The following SNTG1 variants were observed in gnomAD, a reference collection of about 807,000 sequenced individuals.
SNTG1 encodes gamma-1-syntrophin.
SNTG1 carries 39 observed loss-of-function variants against 74.7 expected under a neutral mutation model. The observed-to-expected ratio is 0.52, with a 90% CI of 0.40 to 0.68. The LOEUF is 0.68. SNTG1 is among the 30% of genes least tolerant of loss of function. The pLI is 0.00. For synonymous variants in SNTG1, 254 were observed against 217.1 expected (o/e 1.17, Z -1.49); for missense variants, 685 against 609.5 (o/e 1.12, Z -1.30).
chr8:50,633,497 A>G (rs1360605386), intron 13 of SNTG1, among the ~76,000 whole-genome samples: 1 of 152,196 alleles, frequency 6.6e-6, no homozygotes, highest in African/African-American at 2.4e-5. Flanking sequence ...AAGATGGATA[A>G]CAAGGGCTGT....
At chr8:50,204,565 A>G (rs1424135202) in intron 2 of SNTG1, among the ~76,000 whole-genome samples, 2 of 152,080 alleles carry the variant, frequency 1.3e-5, no homozygotes, top group African/African-American at 4.8e-5. Flanking sequence ...TAATCTTAAA[A>G]TAAGATATAA....
At chr8:50,282,768 C>CA (rs1000891997) in intron 2 of SNTG1, among the ~76,000 whole-genome samples, 44 of 148,756 alleles carry the variant, frequency 3.0e-4, no homozygotes, top group Middle Eastern at 6.9e-3. Flanking sequence ...CTGTCCATCT[C>CA]AAAAAAAAAG....
At chr8:50,733,080 C>G (rs780589187) in intron 17 of SNTG1, among the ~76,000 whole-genome samples, 2 of 151,944 alleles carry the variant, frequency 1.3e-5, no homozygotes, top group Admixed American at 6.6e-5. Context: ...CAACAGACAA[C>G]CCCCTCCCTA....
chr8:50,325,742 T>C (rs1445271423), intron 2 of SNTG1, among the ~76,000 whole-genome samples: 3 of 152,118 alleles, frequency 2.0e-5, no homozygotes, highest in African/African-American at 7.2e-5. Context: ...TTTCACATAG[T>C]ATTACATTAG....
At chr8:50,788,649 G>A (rs901315903) in intron 18 of SNTG1, among the ~76,000 whole-genome samples, 2 of 151,952 alleles carry the variant, frequency 1.3e-5, no homozygotes, top group Admixed American at 1.3e-4. Flanking sequence ...GAATGAGGAA[G>A]ATAAATTCCA....
chr8:50,050,342 T>G (rs1339974546), intron 1 of SNTG1, among the ~76,000 whole-genome samples: 1 of 151,914 alleles, frequency 6.6e-6, no homozygotes, highest in Non-Finnish European at 1.5e-5. Context: ...ACAAATTTGA[T>G]AACCTAGACA....
chr8:50,560,555 C>G (rs2094481341), intron 12 of SNTG1, among the ~76,000 whole-genome samples: 1 of 152,188 alleles, frequency 6.6e-6, no homozygotes, highest in Non-Finnish European at 1.5e-5. Flanking sequence ...GGAACAAGAT[C>G]ATGTCCTTTG....
chr8:50,778,731 G>T (rs1371539615), intron 18 of SNTG1, among the ~76,000 whole-genome samples: 1 of 148,506 alleles, frequency 6.7e-6, no homozygotes, highest in Non-Finnish European at 1.5e-5. Context: ...GTCAATTTTG[G>T]CTTTTGTTGC....
intron 1 of SNTG1, among the ~76,000 whole-genome samples, chr8:49,944,861 C>T (rs1309428938): frequency 1.3e-5 from 2 of 151,888 alleles, no homozygotes; most frequent in African/African-American, 2.4e-5. Context: ...AATCTCGGCT[C>T]ACTGAAACCT....
chr8:50,735,960 C>A lies in SNTG1; in HGVS notation c.1285-16041C>A, dbSNP rs571189640. The stretch of plus-strand genomic sequence containing the variant: ...CTACAAGCTAGAAGAGATTGGGGGC[C>A]AATATTTAACATTCTTAAAGAAAAG... On this transcript the variant is annotated intron_variant, in intron 17 of 18. Transcript: ENST00000642720. Among the ~76,000 whole-genome samples, 4 of 152,054 alleles carry A rather than the reference C, an allele frequency of 2.6e-5. 1 individual carries two copies. In the South Asian group the frequency reaches 8.3e-4, roughly 32 times the overall value.
chr8:50,463,481 T>C (rs143009628), intron 8 of SNTG1, among the ~76,000 whole-genome samples: 93 of 152,312 alleles, frequency 6.1e-4, no homozygotes, highest in African/African-American at 2.0e-3. Flanking sequence ...AAAACAAAAT[T>C]AATCTTATTT....
At chr8:50,763,891 ACACACACACACACAC>A (rs1563817579) in intron 18 of SNTG1, among the ~76,000 whole-genome samples, 1 of 132,682 alleles carries the variant, frequency 7.5e-6, no homozygotes, top group African/African-American at 3.9e-5. Context: ...ACACACACAC[ACACACACACACACAC>A]AAAAATAACC....
At chr8:50,728,451 C>G (rs897353093) in intron 17 of SNTG1, among the ~76,000 whole-genome samples, 3 of 152,178 alleles carry the variant, frequency 2.0e-5, no homozygotes, top group African/African-American at 7.2e-5. Flanking sequence ...GAAAGGCAAA[C>G]TCATACCAGA....
In SNTG1 at chr8:50,792,905, G is replaced by A; in HGVS notation, c.*76G>A. ...TTTACTCATCATTTTAGACCCTAGA[G>A]AAACCATAACATCACCAAGTCGACA... On this transcript the variant is annotated 3_prime_UTR_variant, in exon 19 of 19. Coordinates refer to ENST00000642720, the MANE Select transcript of SNTG1 (RefSeq NM_018967.5). The A allele has an allele frequency of 1.4e-6, 2 of 1,428,712 alleles. No individual in the cohort carries two copies. Among genetic ancestry groups the A allele is most frequent in the Admixed American group, 2.4e-5 (1 of 41,112 alleles). The allele number at this position is 1,428,712 out of a possible 1,614,324, so 88.5% of individuals were successfully genotyped here. A position where few individuals can be genotyped will look rare whatever the true frequency, so the allele number is the denominator to read the frequency against.
chr8:50,771,634 A>G (rs2095627407), intron 18 of SNTG1, among the ~76,000 whole-genome samples: 1 of 152,142 alleles, frequency 6.6e-6, no homozygotes, highest in Non-Finnish European at 1.5e-5. Context: ...AGAGATTAGC[A>G]TGGCTGAAAG....
intron 1 of SNTG1, among the ~76,000 whole-genome samples, chr8:50,051,322 A>G (rs534864225): frequency 1.6e-4 from 24 of 152,048 alleles, no homozygotes; most frequent in African/African-American, 5.5e-4. Flanking sequence ...ATAACAGCAT[A>G]TAAGATCGAA....
chr8:50,189,279 A>AT (rs985185942), intron 2 of SNTG1, among the ~76,000 whole-genome samples: 34 of 151,302 alleles, frequency 2.2e-4, no homozygotes, highest in East Asian at 5.8e-4. Flanking sequence ...GTCATTGTTT[A>AT]TTTTTTTTTC....
intron 17 of SNTG1, among the ~76,000 whole-genome samples, chr8:50,735,802 C>T (rs141095899): frequency 2.0e-4 from 31 of 151,850 alleles, no homozygotes; most frequent in African/African-American, 6.8e-4. Context: ...AGAAGAGCAC[C>T]ACAAGACACA....
At chr8:50,092,688 A>G (rs2079783537) in intron 1 of SNTG1, among the ~76,000 whole-genome samples, 1 of 152,134 alleles carries the variant, frequency 6.6e-6, no homozygotes, top group African/African-American at 2.4e-5. Context: ...TTTCTTTCAC[A>G]GGTATTTCCC....
Sources: allele counts gnomAD v4.1 joint callset (sites outside exome capture counted in the v4.1 genomes callset), GRCh38; gene constraint gnomAD v4.1.1; transcripts MANE v1.5; gene names NCBI Gene and HGNC (gene_info 2026-07-23, HGNC 2026-07-21).